The following PPP4R3B variants were observed in gnomAD, a reference collection of about 807,000 sequenced individuals.
PPP4R3B encodes protein phosphatase 4 regulatory subunit 3B, also known as serine/threonine-protein phosphatase 4 regulatory subunit 3B.
Under a neutral mutation model 95.4 loss-of-function variants are expected in PPP4R3B, and 52 were observed. The ratio of observed to expected loss-of-function variants is 0.54; its 90% CI spans 0.44 to 0.69. The LOEUF is 0.69. Among genes scored for constraint, PPP4R3B ranks in the 30% least tolerant of loss-of-function variants. The probability of loss-of-function intolerance (pLI) is 0.00; values close to 1 mark genes in which losing one functional copy is unlikely to be tolerated. For missense variants in PPP4R3B, 1,003 were observed against 1,005.9 expected (o/e 1.00, Z 0.04); for synonymous variants, 407 against 343.9 (o/e 1.18, Z -2.03).
intron 2 of PPP4R3B, among the ~76,000 whole-genome samples, chr2:55,608,745 G>T (rs1572732814): frequency 6.6e-6 from 1 of 152,134 alleles, no homozygotes; most frequent in African/African-American, 2.4e-5. Flanking sequence ...AGCACTTTTG[G>T]AGCCCAAAGA....
At chr2:55,602,665 T>C (rs1318494123) in intron 3 of PPP4R3B, among the ~76,000 whole-genome samples, 1 of 152,204 alleles carries the variant, frequency 6.6e-6, no homozygotes, top group African/African-American at 2.4e-5. Flanking sequence ...TATGCTGCCA[T>C]ATATCACTGC....
rs1160462743 is a variant in PPP4R3B at position 55,579,797 on chromosome 2, T to G, written c.1366-16A>C. On this transcript the variant is annotated splice_polypyrimidine_tract_variant and intron_variant, in intron 8 of 16. Coordinates refer to ENST00000616407, the MANE Select transcript of PPP4R3B (RefSeq NM_001122964.3). ...TTTCGGTTTTCTGAAACATAGAATT[T>G]TTTAAACAATACTGTTACTTATGTA... 2.0e-6 allele frequency: 3 copies of G among 1,502,600 alleles called. No homozygotes were observed. In the Admixed American group the frequency reaches 5.2e-5, roughly 26 times the overall value. The allele number at this position is 1,502,600 out of a possible 1,614,324, so 93.1% of individuals were successfully genotyped here. A position where few individuals can be genotyped will look rare whatever the true frequency, so the allele number is the denominator to read the frequency against.
rs1448784692 is a variant in PPP4R3B at position 55,588,896 on chromosome 2, C to T, written c.982G>A (p.Asp328Asn). ...AQLTDEATDD[D>N]KRRELVNFFK... is the part of the protein sequence containing the mutation. The stretch of plus-strand genomic sequence containing the variant: ...TAACTTACCAATTCACGCCGTTTAT[C>T]ATCATCTGTAGCCTCATCTGTTAAT... Residue 328 changes from aspartate to asparagine, a missense_variant, in exon 5 of 17, where the codon GAT (aspartate) becomes AAT (asparagine). By Grantham distance (23) the Asp-to-Asn change is conservative. Around this residue, in one of 3 missense-constraint regions of PPP4R3B, gnomAD observed 695 missense variants for 686.2 expected, o/e 1.01. Transcript: ENST00000616407. The T allele has an allele frequency of 5.6e-6, 9 of 1,608,646 alleles. No homozygotes were observed. The highest frequency in any genetic ancestry group is 2.2e-5 in the East Asian group (1 of 44,728).
intron 3 of PPP4R3B, among the ~76,000 whole-genome samples, chr2:55,603,131 T>G (rs1332492446): frequency 6.6e-6 from 1 of 152,108 alleles, no homozygotes; most frequent in African/African-American, 2.4e-5. Flanking sequence ...TTTTGTACTT[T>G]GAGTAGAGAT....
At chr2:55,617,081 T>A in intron 1 of PPP4R3B, 63 bp downstream of exon 1, 1 of 1,521,430 alleles carries the variant, frequency 6.6e-7, no homozygotes, top group Non-Finnish European at 8.8e-7. Context: ...CCCAGGGCCC[T>A]AAACCCAAGC....
At chr2:55,594,843 T>C (rs1482339196) in intron 4 of PPP4R3B, among the ~76,000 whole-genome samples, 1 of 152,180 alleles carries the variant, frequency 6.6e-6, no homozygotes, top group African/African-American at 2.4e-5. Context: ...ACACTCATTA[T>C]TGGTGAATAA....
At chr2:55,582,262 T>TTTTATTTA (rs764502504) in intron 7 of PPP4R3B, among the ~76,000 whole-genome samples, 1 of 152,092 alleles carries the variant, frequency 6.6e-6, no homozygotes. Context: ...TGCTCTTGGA[T>TTTTATTTA]TTTATTTATT....
intron 6 of PPP4R3B, 96 bp from the exon 7 acceptor site, chr2:55,585,263 T>G (rs1320261513): frequency 1.3e-6 from 1 of 796,628 alleles, no homozygotes; most frequent in East Asian, 2.8e-5. Flanking sequence ...AGCTCTCAAC[T>G]TTTTGGATTA....
rs146271373 is a variant in PPP4R3B at position 55,577,414 on chromosome 2, C to G, written c.1565-58G>C. The G allele has an allele frequency of 9.7e-5, 131 of 1,344,918 alleles. 1 individual carries two copies. In the East Asian group the frequency reaches 3.4e-3, roughly 35 times the overall value. 83.3% of individuals were successfully genotyped at this position (1,344,918 alleles called of 1,614,324 possible). ...CTTCAGTAATAATATCCCAGATTTC[C>G]CTAGTACTTTATAATATACAATGCA... is the stretch of plus-strand genomic sequence containing the variant. On this transcript the variant is annotated intron_variant, in intron 10 of 16. Coordinates refer to ENST00000616407, the MANE Select transcript of PPP4R3B (RefSeq NM_001122964.3).
At chr2:55,592,300 G>C (rs1691140857) in intron 4 of PPP4R3B, among the ~76,000 whole-genome samples, 1 of 152,130 alleles carries the variant, frequency 6.6e-6, no homozygotes, top group Non-Finnish European at 1.5e-5. Flanking sequence ...TAGAATCCAG[G>C]CCTCCCAAAT....
chr2:55,553,494 T>C (rs1431098502), intron 16 of PPP4R3B, among the ~76,000 whole-genome samples: 1 of 152,202 alleles, frequency 6.6e-6, no homozygotes, highest in African/African-American at 2.4e-5. Context: ...TTTCAGAGCA[T>C]ATAATTCAGT....
At chr2:55,577,241 A>G (rs2104158523) in intron 11 of PPP4R3B, 74 bp downstream of exon 11, 14 of 1,466,404 alleles carry the variant, frequency 9.5e-6, no homozygotes, top group South Asian at 1.5e-5. Flanking sequence ...TTAGCCTTAT[A>G]TAAGTGCATT....
chr2:55,564,500 G>T lies in PPP4R3B; in HGVS notation c.2076-3C>A. On this transcript the variant is annotated splice_polypyrimidine_tract_variant and splice_region_variant and intron_variant, in intron 14 of 16. Coordinates refer to ENST00000616407, the MANE Select transcript of PPP4R3B (RefSeq NM_001122964.3). ...TACTACGCAATATAGATGGTACACTGTAAGAAATATATCACAAATATTGAG... is the reference window on the plus strand; with the variant it reads ...TACTACGCAATATAGATGGTACACTTTAAGAAATATATCACAAATATTGAG... The T allele has an allele frequency of 1.3e-6, 2 of 1,579,862 alleles. No individual in the cohort carries two copies. Among genetic ancestry groups the T allele is most frequent in the Non-Finnish European group, 1.7e-6 (2 of 1,167,418 alleles).
At chr2:55,608,198 T>G (rs555479267) in intron 2 of PPP4R3B, among the ~76,000 whole-genome samples, 1 of 152,190 alleles carries the variant, frequency 6.6e-6, no homozygotes, top group East Asian at 1.9e-4. Flanking sequence ...AGAGACAGGG[T>G]TTCACCATGT....
intron 2 of PPP4R3B, among the ~76,000 whole-genome samples, chr2:55,605,298 T>G (rs1377028514): frequency 6.6e-6 from 1 of 152,188 alleles, no homozygotes; most frequent in Non-Finnish European, 1.5e-5. Flanking sequence ...CAAAACACCT[T>G]ATATGTAATA....
intron 16 of PPP4R3B, among the ~76,000 whole-genome samples, chr2:55,555,193 T>C (rs1432892599): frequency 6.9e-6 from 1 of 144,996 alleles, no homozygotes; most frequent in Non-Finnish European, 1.5e-5. Context: ...GGTAGGAAAA[T>C]GGTGTGAACC....
intron 3 of PPP4R3B, among the ~76,000 whole-genome samples, chr2:55,603,449 A>C (rs149140203): frequency 4.5e-4 from 68 of 152,328 alleles, no homozygotes; most frequent in Middle Eastern, 3.4e-3. Flanking sequence ...TGTCTTCTGC[A>C]TTATAGTTAT....
At chr2:55,590,323 G>A (rs551606080) in intron 4 of PPP4R3B, among the ~76,000 whole-genome samples, 8 of 151,984 alleles carry the variant, frequency 5.3e-5, no homozygotes, top group Non-Finnish European at 1.2e-4. Flanking sequence ...GTGAAACTCC[G>A]TCTCAACAAC....
chr2:55,563,733 G>C (rs1181799427), intron 15 of PPP4R3B, among the ~76,000 whole-genome samples: 2 of 152,136 alleles, frequency 1.3e-5, no homozygotes, highest in Non-Finnish European at 2.9e-5. Context: ...CCAAAAAATG[G>C]TAATTCCTCA....
Sources: allele counts gnomAD v4.1 joint callset (sites outside exome capture counted in the v4.1 genomes callset), GRCh38; gene constraint gnomAD v4.1.1; regional missense constraint gnomAD v4.1.1; transcripts MANE v1.5; gene names NCBI Gene and HGNC (gene_info 2026-07-23, HGNC 2026-07-21).